The following TBC1D5 variants were observed in gnomAD, a reference collection of about 807,000 sequenced individuals.
TBC1D5 encodes the protein TBC1 domain family, member 5.
A neutral mutation model predicts 100.3 loss-of-function variants in TBC1D5; 75 were observed. The observed-to-expected ratio is 0.75, with a 90% CI of 0.62 to 0.91. The LOEUF is 0.91. Ranked by LOEUF, TBC1D5 falls within the 40% of genes least tolerant of loss-of-function variation. The pLI is 0.00. For synonymous variants in TBC1D5, 323 were observed against 325.6 expected (o/e 0.99, Z 0.09); for missense variants, 910 against 942.4 (o/e 0.97, Z 0.45).
chr3:17,591,312 G>C (rs2096770444), intron 2 of TBC1D5, among the ~76,000 whole-genome samples: 1 of 140,028 alleles, frequency 7.1e-6, no homozygotes, highest in Non-Finnish European at 1.5e-5. Context: ...TTCCAGGCTT[G>C]AGATAGTTTA....
chr3:17,369,569 C>T (rs553856286), intron 13 of TBC1D5, among the ~76,000 whole-genome samples: 2 of 152,022 alleles, frequency 1.3e-5, no homozygotes, highest in Non-Finnish European at 2.9e-5. Context: ...AGGATGGACT[C>T]GAACTCCTGG....
chr3:17,704,186 C>T (rs2073636808), intron 1 of TBC1D5, among the ~76,000 whole-genome samples: 1 of 137,410 alleles, frequency 7.3e-6, no homozygotes, highest in Non-Finnish European at 1.6e-5. Context: ...GCCCTTAATC[C>T]ATTTAACCCT....
At chr3:17,547,586 G>A (rs1235523372) in intron 2 of TBC1D5, among the ~76,000 whole-genome samples, 1 of 152,178 alleles carries the variant, frequency 6.6e-6, no homozygotes, top group Admixed American at 6.5e-5. Context: ...AGCCTAGAGT[G>A]TATAGATGAT....
chr3:17,413,563 C>T lies in TBC1D5; in HGVS notation c.168-7037G>A, dbSNP rs557155271. On this transcript the variant is annotated intron_variant, in intron 4 of 21. Transcript: ENST00000253692. Reference sequence around the variant, plus strand: ...TTAAATAGTAGTTTCCCAAGATATGCTCATAACATTGGTGTGAAACTAGTA... The same window carrying T: ...TTAAATAGTAGTTTCCCAAGATATGTTCATAACATTGGTGTGAAACTAGTA... 2.2e-4 allele frequency among the ~76,000 whole-genome samples: 33 copies of T among 152,144 alleles called. No individual in the cohort carries two copies. The South Asian group carries it at 6.8e-3, about 32-fold the overall frequency.
chr3:17,644,338 T>C (rs2064815447), intron 1 of TBC1D5, among the ~76,000 whole-genome samples: 1 of 152,156 alleles, frequency 6.6e-6, no homozygotes, highest in South Asian at 2.1e-4. Flanking sequence ...GAAGTCCTAC[T>C]TCATAGCACT....
At chr3:17,432,550 A>G (rs2094462893) in intron 3 of TBC1D5, among the ~76,000 whole-genome samples, 2 of 152,184 alleles carry the variant, frequency 1.3e-5, no homozygotes, top group Admixed American at 1.3e-4. Flanking sequence ...TGAAGTCAAC[A>G]CAGAAAAAAA....
intron 14 of TBC1D5, among the ~76,000 whole-genome samples, chr3:17,300,019 C>A (rs1280257678): frequency 1.3e-5 from 2 of 151,896 alleles, no homozygotes; most frequent in Non-Finnish European, 2.9e-5. Context: ...TTCAATAATT[C>A]AATTTTTTTA....
intron 1 of TBC1D5, among the ~76,000 whole-genome samples, chr3:17,654,370 G>A (rs2065860688): frequency 6.6e-6 from 1 of 152,122 alleles, no homozygotes; most frequent in Non-Finnish European, 1.5e-5. Context: ...ATCAGTTTGT[G>A]TCTGGACATA....
intron 2 of TBC1D5, among the ~76,000 whole-genome samples, chr3:17,591,233 C>CAGAAAAAA (rs2096766560): frequency 5.4e-5 from 1 of 18,640 alleles, no homozygotes; most frequent in East Asian, 2.0e-3. Context: ...AAGGATCTGT[C>CAGAAAAAA]AAAAAAAAAA....
At chr3:17,733,193 C>T (rs1169832726) in intron 1 of TBC1D5, among the ~76,000 whole-genome samples, 1 of 152,182 alleles carries the variant, frequency 6.6e-6, no homozygotes, top group East Asian at 1.9e-4. Flanking sequence ...CCCATTCCTA[C>T]CTCTCCCGTT....
intron 13 of TBC1D5, among the ~76,000 whole-genome samples, chr3:17,331,085 T>TA (rs1274596807): frequency 2.0e-5 from 3 of 152,164 alleles, no homozygotes; most frequent in African/African-American, 7.2e-5. Flanking sequence ...ACTACACCCT[T>TA]AATGTGTCCC....
At chr3:17,274,328 A>C (rs1174642775) in intron 15 of TBC1D5, among the ~76,000 whole-genome samples, 2 of 152,156 alleles carry the variant, frequency 1.3e-5, no homozygotes, top group Non-Finnish European at 2.9e-5. Context: ...GTTCATTGCT[A>C]TTCCAAATAC....
intron 18 of TBC1D5, among the ~76,000 whole-genome samples, chr3:17,207,205 A>G (rs755952152): frequency 6.6e-6 from 1 of 152,188 alleles, no homozygotes; most frequent in Non-Finnish European, 1.5e-5. Context: ...TAGCAAAGAT[A>G]TTCTTAGAAA....
chr3:17,235,367 T>C (rs947448055), intron 17 of TBC1D5, among the ~76,000 whole-genome samples: 52 of 152,318 alleles, frequency 3.4e-4, no homozygotes, highest in African/African-American at 1.2e-3. Flanking sequence ...AACATAACTT[T>C]CAAATTTTCC....
intron 3 of TBC1D5, among the ~76,000 whole-genome samples, chr3:17,498,878 T>TA (rs534686391): frequency 2.0e-4 from 30 of 152,012 alleles, no homozygotes; most frequent in East Asian, 9.6e-4. Flanking sequence ...TCAGCTATAT[T>TA]AAAAAAAATG....
chr3:17,270,797 G>A (rs1324812680), intron 15 of TBC1D5, among the ~76,000 whole-genome samples: 1 of 152,050 alleles, frequency 6.6e-6, no homozygotes, highest in African/African-American at 2.4e-5. Flanking sequence ...GTTGTATATG[G>A]TGAAGGTAGG....
At chr3:17,451,380 G>A (rs1222576652) in intron 3 of TBC1D5, among the ~76,000 whole-genome samples, 1 of 152,112 alleles carries the variant, frequency 6.6e-6, no homozygotes, top group African/African-American at 2.4e-5. Context: ...CATTTATGTG[G>A]CCAACAAACA....
intron 15 of TBC1D5, among the ~76,000 whole-genome samples, chr3:17,263,393 GA>G (rs1353888131): frequency 7.1e-6 from 1 of 140,032 alleles, no homozygotes; most frequent in Non-Finnish European, 1.6e-5. Context: ...AAAAGAGAAA[GA>G]AAAAAAAGAA....
intron 19 of TBC1D5, among the ~76,000 whole-genome samples, chr3:17,182,925 C>G (rs902991799): frequency 8.5e-5 from 13 of 152,090 alleles, no homozygotes; most frequent in African/African-American, 3.1e-4. Flanking sequence ...GCCTTGTTCT[C>G]CATTTCCTAC....
Sources: allele counts gnomAD v4.1 joint callset (sites outside exome capture counted in the v4.1 genomes callset), GRCh38; gene constraint gnomAD v4.1.1; transcripts MANE v1.5; gene names NCBI Gene and HGNC (gene_info 2026-07-23, HGNC 2026-07-21).